Variants in CSMD1 observed in about 807,000 individuals in gnomAD.
The protein encoded by CSMD1 is CUB and Sushi multiple domains 1, also known as CUB and sushi domain-containing protein 1.
Under a neutral mutation model 417.5 loss-of-function variants are expected in CSMD1, and 213 were observed. The observed-to-expected ratio is 0.51, with a 90% CI of 0.46 to 0.57. The LOEUF (loss-of-function observed/expected upper bound fraction) is 0.57. Among genes scored for constraint, CSMD1 ranks in the 20% least tolerant of loss-of-function variants. The probability of loss-of-function intolerance (pLI) is 0.00; values close to 1 mark genes in which losing one functional copy is unlikely to be tolerated. For synonymous variants in CSMD1, 2,862 were observed against 1,736.8 expected, an observed-to-expected ratio of 1.65 and a Z score of -16.11; for missense variants, 6,923 against 4,529.7, an observed-to-expected ratio of 1.53 and a Z score of -15.17.
chr8:4,068,647 G>C (rs1165844866), intron 3 of CSMD1, among the ~76,000 whole-genome samples: 1 of 152,032 alleles, frequency 6.6e-6, no homozygotes, highest in East Asian at 1.9e-4. Context: ...GGAACTGTGA[G>C]TTTAAGATAA....
At chr8:4,404,393 A>T (rs997469715) in intron 3 of CSMD1, among the ~76,000 whole-genome samples, 5 of 152,172 alleles carry the variant, frequency 3.3e-5, no homozygotes, top group African/African-American at 1.2e-4. Context: ...CTGTATATGT[A>T]ATCTCTAGAA....
chr8:4,268,340 T>A (rs1354483216), intron 3 of CSMD1, among the ~76,000 whole-genome samples: 5 of 152,162 alleles, frequency 3.3e-5, no homozygotes, highest in African/African-American at 4.8e-5. Flanking sequence ...AATTAGATTC[T>A]TTTTGACTAA....
rs557922796 is a variant in CSMD1, at chr8:4,643,559, A to T, written c.86-6001T>A. On this transcript the variant is annotated intron_variant, in intron 1 of 69. Coordinates refer to ENST00000635120, the MANE Select transcript of CSMD1 (RefSeq NM_033225.6). ...AAAATAATATAAAATAAAATGGTCC[A>T]TTGCGATTTTCAGTGAATTTTTTTA... Among the ~76,000 whole-genome samples, 4 of 152,316 alleles carry T rather than the reference A, an allele frequency of 2.6e-5. No individual in the cohort carries two copies. In the South Asian group the frequency reaches 6.2e-4, roughly 24 times the overall value.
intron 52 of CSMD1, among the ~76,000 whole-genome samples, chr8:3,016,501 G>T (rs1028462383): frequency 6.6e-6 from 1 of 152,144 alleles, no homozygotes; most frequent in African/African-American, 2.4e-5. Context: ...TGCTTCACAC[G>T]TTATGAATCT....
At chr8:4,432,673 A>C (rs1186804679) in intron 2 of CSMD1, among the ~76,000 whole-genome samples, 2 of 152,190 alleles carry the variant, frequency 1.3e-5, no homozygotes, top group Non-Finnish European at 2.9e-5. Flanking sequence ...AGGAGAGACA[A>C]GATTCAAACC....
intron 7 of CSMD1, among the ~76,000 whole-genome samples, chr8:3,628,701 G>A (rs534114339): frequency 3.2e-4 from 48 of 152,154 alleles, no homozygotes; most frequent in Non-Finnish European, 2.9e-5. Flanking sequence ...ACAGAAAGAA[G>A]TGTAGGCACC....
intron 3 of CSMD1, among the ~76,000 whole-genome samples, chr8:4,211,534 C>A (rs1200146008): frequency 6.6e-6 from 1 of 152,166 alleles, no homozygotes; most frequent in Non-Finnish European, 1.5e-5. Flanking sequence ...CTTTTGTATA[C>A]TTTTGAGCAT....
intron 2 of CSMD1, among the ~76,000 whole-genome samples, chr8:4,605,357 A>G (rs965782240): frequency 1.3e-5 from 2 of 152,210 alleles, no homozygotes; most frequent in Non-Finnish European, 2.9e-5. Flanking sequence ...ATCTATGAGC[A>G]AAGAGAGGTT....
At position 3,200,203 on chromosome 8, in the gene CSMD1, A is replaced by AT. The variant is rs543929165; in HGVS notation, c.5099-395dup. On this transcript the variant is annotated intron_variant, in intron 32 of 69. Coordinates refer to ENST00000635120, the MANE Select transcript of CSMD1 (RefSeq NM_033225.6). ...TTAAAAGTAACTGAATCCAAAGATG[A>AT]TTTTTTTTAAATTAAAAGATTCAGA... Among the ~76,000 whole-genome samples the AT allele has an allele frequency of 4.7e-4, 71 of 151,456 alleles. 1 individual carries two copies. Among genetic ancestry groups the AT allele is most frequent in the Admixed American group, 2.0e-3 (31 of 15,208 alleles).
intron 12 of CSMD1, among the ~76,000 whole-genome samples, chr8:3,434,334 G>T (rs1004105439): frequency 1.3e-5 from 2 of 152,082 alleles, no homozygotes; most frequent in South Asian, 2.1e-4. Context: ...GTTCCTATAT[G>T]TAATACCAAA....
At chr8:4,291,091 A>T (rs1336367746) in intron 3 of CSMD1, among the ~76,000 whole-genome samples, 3 of 152,174 alleles carry the variant, frequency 2.0e-5, no homozygotes, top group African/African-American at 7.2e-5. Context: ...TATTTTGTGT[A>T]ATACAAACAC....
chr8:3,192,516 C>G (rs1459958828), intron 33 of CSMD1, among the ~76,000 whole-genome samples: 3 of 152,190 alleles, frequency 2.0e-5, no homozygotes, highest in Non-Finnish European at 4.4e-5. Context: ...TTGGCTACTA[C>G]TCAATTGTTT....
At chr8:4,771,883 C>T (rs140050198) in intron 1 of CSMD1, among the ~76,000 whole-genome samples, 220 of 152,234 alleles carry the variant, frequency 1.4e-3, no homozygotes, top group African/African-American at 5.0e-3. Context: ...AAGCGGTGGG[C>T]ATGAAGGGAG....
intron 5 of CSMD1, among the ~76,000 whole-genome samples, chr8:3,843,430 T>C (rs2129095592): frequency 6.6e-6 from 1 of 152,174 alleles, no homozygotes; most frequent in African/African-American, 2.4e-5. Context: ...GGTTTCAGAG[T>C]AATTAAGAAT....
intron 7 of CSMD1, among the ~76,000 whole-genome samples, chr8:3,699,697 T>C (rs1365838119): frequency 6.6e-6 from 1 of 152,228 alleles, no homozygotes; most frequent in Non-Finnish European, 1.5e-5. Flanking sequence ...AAGACTATAA[T>C]TTCCCCTGGA....
At chr8:4,367,137 G>A (rs1460820322) in intron 3 of CSMD1, among the ~76,000 whole-genome samples, 1 of 152,032 alleles carries the variant, frequency 6.6e-6, no homozygotes, top group Non-Finnish European at 1.5e-5. Context: ...TGTTCAGAAT[G>A]GTATTTCTTA....
rs191543920 is a variant in CSMD1 at position 3,300,355 on chromosome 8, T to G, written c.3950+7340A>C. 5.4e-3 allele frequency among the ~76,000 whole-genome samples: 797 copies of G among 147,318 alleles called. 7 individuals carry two copies. The highest frequency in any genetic ancestry group is 0.018 in the African/African-American group (734 of 39,756). ...TGTTTAAGATTACAGAAAACTACAT[T>G]TAGGGGTTTTTTTTTCTGCAGCACT... On this transcript the variant is annotated intron_variant, in intron 25 of 69. Transcript: ENST00000635120.
chr8:3,209,153 T>A (rs1797461578), intron 30 of CSMD1, among the ~76,000 whole-genome samples: 1 of 152,198 alleles, frequency 6.6e-6, no homozygotes, highest in Admixed American at 6.5e-5. Context: ...TTTTACTACC[T>A]TGATAAATAG....
intron 37 of CSMD1, among the ~76,000 whole-genome samples, chr8:3,171,699 A>C (rs554458207): frequency 6.6e-6 from 1 of 152,350 alleles, no homozygotes; most frequent in East Asian, 1.9e-4. Flanking sequence ...AACCAAAGGA[A>C]TTATTTAAAA....
Sources: gnomAD v4.1 joint callset for allele counts (sites outside exome capture counted in the v4.1 genomes callset) on GRCh38, gnomAD v4.1.1 for gene constraint, MANE v1.5 for transcripts, NCBI Gene and HGNC (gene_info 2026-07-23, HGNC 2026-07-21) for gene names.